Variants in PHACTR2 observed in about 807,000 individuals in gnomAD.
PHACTR2 encodes chromosome 6 open reading frame 56.
PHACTR2 carries 30 observed loss-of-function variants against 76.0 expected under a neutral mutation model. The ratio of observed to expected loss-of-function variants is 0.39; its 90% CI spans 0.30 to 0.54. The LOEUF (loss-of-function observed/expected upper bound fraction) is 0.54. Among genes scored for constraint, PHACTR2 ranks in the 20% least tolerant of loss-of-function variants. PHACTR2 has a pLI of 0.61. For missense variants in PHACTR2, 696 were observed against 781.1 expected (o/e 0.89, Z 1.30); for synonymous variants, 292 against 292.5 (o/e 1.00, Z 0.02).
In PHACTR2 at chr6:143,626,790, TAAAG is replaced by T. The variant is rs772019095; in HGVS notation, c.13+18474_13+18477del. ...GGGGCATGATGTGAAGCGTGTCAAT[TAAAG>T]AAAGACAGGGAAGGGTTTTAGCAAA... On this transcript the variant is annotated intron_variant, in intron 1 of 11. Transcript: ENST00000305766. Among the ~76,000 whole-genome samples the T allele has an allele frequency of 5.9e-5, 9 of 152,272 alleles. No individual in the cohort carries two copies. The South Asian group carries it at 1.9e-3, about 32-fold the overall frequency.
At chr6:143,545,525 C>T (rs1774973629) in intron 1 of PHACTR2, among the ~76,000 whole-genome samples, 1 of 152,176 alleles carries the variant, frequency 6.6e-6, no homozygotes, top group South Asian at 2.1e-4. Flanking sequence ...CACATGATCA[C>T]ACTCTATAGC....
chr6:143,544,964 A>G (rs1298743585), intron 1 of PHACTR2, among the ~76,000 whole-genome samples: 1 of 150,352 alleles, frequency 6.7e-6, no homozygotes. Context: ...TTTTTCTTTG[A>G]GACAGGTCTC....
At chr6:143,766,915 G>C (rs1273845760) in intron 6 of PHACTR2, among the ~76,000 whole-genome samples, 5 of 152,160 alleles carry the variant, frequency 3.3e-5, no homozygotes, top group Admixed American at 3.3e-4. Flanking sequence ...TAGAGCTCTT[G>C]CATCCTGGCT....
Position 143,597,952 on chromosome 6 carries a change from G to T in PHACTR2, c.217+60745G>T, listed in dbSNP as rs1775772113. 1.3e-5 allele frequency among the ~76,000 whole-genome samples: 2 copies of T among 152,072 alleles called. No homozygotes were observed. The highest frequency in any genetic ancestry group is 4.2e-4 in the South Asian group (2 of 4,810). On this transcript the variant is annotated intron_variant, in intron 1 of 11. Coordinates refer to the PHACTR2 transcript ENST00000367584. This position sits in a 1 kb window ranked among gnomAD's most constrained non-coding sequence, Gnocchi z 5.7. ...TGTTACTCAGCACGCAAGACTTCAG[G>T]TGCACCTACGGAAGTAGCGGTGGGG...
chr6:143,830,286 T>C lies in PHACTR2; in HGVS notation c.*6597T>C, dbSNP rs1776638833. ...TAAAAATTCAAACAAGTTTCTTTTT[T>C]TTTTTTTTTTTTCTGTGTAACAGGG... is the stretch of plus-strand genomic sequence containing the variant. On this transcript the variant is annotated 3_prime_UTR_variant, in exon 13 of 13. Transcript: ENST00000440869. The C allele has an allele frequency of 6.6e-6, 1 of 151,838 alleles. No homozygotes were observed. Among genetic ancestry groups the C allele is most frequent in the South Asian group, 2.1e-4 (1 of 4,832 alleles). 9.4% of individuals were successfully genotyped at this position (151,838 alleles called of 1,614,324 possible).
rs1423098862 is a variant in PHACTR2 at position 143,608,328 on chromosome 6, T to C, written c.13+6T>C. 1.4e-5 allele frequency: 23 copies of C among 1,613,918 alleles called. No individual in the cohort carries two copies. Among genetic ancestry groups the C allele is most frequent in the Non-Finnish European group, 1.9e-5 (22 of 1,179,938 alleles). On this transcript the variant is annotated splice_donor_region_variant and intron_variant, in intron 1 of 11. Transcript: ENST00000305766. This position sits in a 1 kb window ranked among gnomAD's most constrained non-coding sequence, Gnocchi z 4.6. ...CTGAGACATGGACAACGCCGGTGGG[T>C]AAATCAAGCATGAATTCTTCATAGC...
At chr6:143,590,885 C>T (rs1775682443) in intron 1 of PHACTR2, among the ~76,000 whole-genome samples, 1 of 152,118 alleles carries the variant, frequency 6.6e-6, no homozygotes, top group South Asian at 2.1e-4. Flanking sequence ...TTCCCTATCC[C>T]AATGACAATC....
At position 143,829,703 on chromosome 6, in the gene PHACTR2, G is replaced by A. The variant is rs1776620925; in HGVS notation, c.*6014G>A. ...AAATATGTCTTGACATTACTTGGATGAACTGTGGCTAGCAAAATGGAATTA... is the reference window on the plus strand; with the variant it reads ...AAATATGTCTTGACATTACTTGGATAAACTGTGGCTAGCAAAATGGAATTA... On this transcript the variant is annotated 3_prime_UTR_variant, in exon 13 of 13. Transcript: ENST00000440869. 6.6e-6 allele frequency: 1 copy of A among 152,200 alleles called. No individual in the cohort carries two copies. Among genetic ancestry groups the A allele is most frequent in the Non-Finnish European group, 1.5e-5 (1 of 68,036 alleles). 9.4% of individuals were successfully genotyped at this position (152,200 alleles called of 1,614,324 possible). A position where few individuals can be genotyped will look rare whatever the true frequency, so the allele number is the denominator to read the frequency against.
intron 12 of PHACTR2, among the ~76,000 whole-genome samples, chr6:143,812,701 C>T (rs748063906): frequency 5.9e-5 from 9 of 152,218 alleles, no homozygotes; most frequent in Admixed American, 1.3e-4. Flanking sequence ...GTTGCTTAGA[C>T]CTTGCTGCTT....
intron 2 of PHACTR2, among the ~76,000 whole-genome samples, chr6:143,735,005 G>A (rs916017692): frequency 4.6e-5 from 7 of 152,268 alleles, no homozygotes; most frequent in African/African-American, 1.4e-4. Flanking sequence ...ATCACTGAGG[G>A]CTAAGTCCTG....
At chr6:143,638,274 T>TC (rs1776500532) in intron 1 of PHACTR2, among the ~76,000 whole-genome samples, 1 of 152,182 alleles carries the variant, frequency 6.6e-6, no homozygotes, top group Non-Finnish European at 1.5e-5. Flanking sequence ...GTGCAGTGGC[T>TC]CATGCCTATC....
chr6:143,759,628 GAA>G (rs35602024), intron 4 of PHACTR2, among the ~76,000 whole-genome samples: 1 of 108,584 alleles, frequency 9.2e-6, no homozygotes, highest in African/African-American at 3.4e-5. Flanking sequence ...GACCCTATCT[GAA>G]AAAAAAAAAA....
intron 1 of PHACTR2, among the ~76,000 whole-genome samples, chr6:143,657,684 G>A (rs1776872755): frequency 6.6e-6 from 1 of 152,192 alleles, no homozygotes; most frequent in Non-Finnish European, 1.5e-5. Context: ...ATAGAGCTGT[G>A]AGGCAGCTCC....
At chr6:143,802,978 A>T (rs1048220329) in intron 11 of PHACTR2, among the ~76,000 whole-genome samples, 3 of 152,186 alleles carry the variant, frequency 2.0e-5, no homozygotes, top group African/African-American at 7.2e-5. Flanking sequence ...CCATTGCCAT[A>T]TCATTCACAT....
rs180893862 is a variant in PHACTR2, at chr6:143,650,787, C to T, written c.13+42465C>T. Among the ~76,000 whole-genome samples the T allele has an allele frequency of 1.4e-4, 21 of 152,146 alleles. No homozygotes were observed. The East Asian group carries it at 2.1e-3, about 15-fold the overall frequency. On this transcript the variant is annotated intron_variant, in intron 1 of 11. Transcript: ENST00000305766. ...ATAGGCATGGGCAAAGATTTCATGA[C>T]GAAAACACCAAAATCAATTGCAACA...
chr6:143,788,712 T>G, intron 10 of PHACTR2, 61 bp from the exon 11 acceptor site: 1 of 1,471,896 alleles, frequency 6.8e-7, no homozygotes, highest in Non-Finnish European at 9.3e-7. Context: ...TATAGAAAAC[T>G]TGCCACCATG....
chr6:143,801,352 G>T lies in PHACTR2; in HGVS notation c.1846-5705G>T, dbSNP rs567518128. Among the ~76,000 whole-genome samples, 19 of 152,216 alleles carry T rather than the reference G, an allele frequency of 1.2e-4. No individual in the cohort carries two copies. Among genetic ancestry groups the T allele is most frequent in the African/African-American group, 4.3e-4 (18 of 41,548 alleles). On this transcript the variant is annotated intron_variant, in intron 11 of 12. Coordinates refer to ENST00000440869, the MANE Select transcript of PHACTR2 (RefSeq NM_001100164.2). The surrounding 1 kb of genome is among the most constrained non-coding windows in gnomAD (Gnocchi z 4.6). Reference sequence around the variant, plus strand: ...GGTACACCAATCAAACGTAGATTTGGTCTTTTCACATAGTCTCATATTTAT... The same window carrying T: ...GGTACACCAATCAAACGTAGATTTGTTCTTTTCACATAGTCTCATATTTAT...
rs1297633779 is a variant in PHACTR2 at position 143,554,186 on chromosome 6, T to C, written c.217+16979T>C. The C allele has an allele frequency of 1.3e-5, 2 of 152,224 alleles. No homozygotes were observed. Among genetic ancestry groups the C allele is most frequent in the Non-Finnish European group, 2.9e-5 (2 of 68,050 alleles). 9.4% of individuals were successfully genotyped at this position (152,224 alleles called of 1,614,324 possible). Reference sequence around the variant, plus strand: ...CCACAGTATGCAGGGCTATGGTGTCTGCTTCTTCTCAGGAAGGGACAGTAA... The same window carrying C: ...CCACAGTATGCAGGGCTATGGTGTCCGCTTCTTCTCAGGAAGGGACAGTAA... On this transcript the variant is annotated intron_variant, in intron 1 of 11. Transcript: ENST00000367584. The surrounding 1 kb of genome is among the most constrained non-coding windows in gnomAD (Gnocchi z 5.9).
At position 143,772,231 on chromosome 6, in the gene PHACTR2, A is replaced by T; in HGVS notation, c.1233-27A>T. On this transcript the variant is annotated intron_variant, in intron 6 of 12. Transcript: ENST00000440869. The surrounding 1 kb of genome is among the most constrained non-coding windows in gnomAD (Gnocchi z 5.4). ...CAAGGGTTGCTCTGAGCTTCACATC[A>T]CTCCCATGCTTTTCTGCCTTTAACA... 1 of 1,567,038 alleles carries T rather than the reference A, an allele frequency of 6.4e-7. No individual in the cohort carries two copies.
Sources: allele counts gnomAD v4.1 joint callset (sites outside exome capture counted in the v4.1 genomes callset), GRCh38; gene constraint gnomAD v4.1.1; non-coding constraint Gnocchi (gnomAD v3.1); transcripts MANE v1.5; gene names NCBI Gene and HGNC (gene_info 2026-07-23, HGNC 2026-07-21).